PRDM2: variants seen among roughly 807,000 people sequenced by gnomAD.
PRDM2 encodes the protein PR/SET domain 2.
A neutral mutation model predicts 130.0 loss-of-function variants in PRDM2; 30 were observed. The observed-to-expected ratio is 0.23, with a 90% CI of 0.17 to 0.31. The LOEUF is 0.31. PRDM2 is among the 10% of genes least tolerant of loss of function. The probability of loss-of-function intolerance (pLI) is 1.00; values close to 1 mark genes in which losing one functional copy is unlikely to be tolerated. For missense variants in PRDM2, 2,011 were observed against 2,108.4 expected, an observed-to-expected ratio of 0.95 and a Z score of 0.90; for synonymous variants, 871 against 782.4, an observed-to-expected ratio of 1.11 and a Z score of -1.89.
At chr1:13,793,755 C>G (rs79712323) in intron 8 of PRDM2, among the ~76,000 whole-genome samples, 18,918 of 152,048 alleles carry the variant, frequency 0.12, 1,276 homozygotes, top group Admixed American at 0.22. Flanking sequence ...TTCCCTGGCC[C>G]ACGTTGGAAG....
At position 13,781,087 on chromosome 1, in the gene PRDM2, A is replaced by G. The variant is rs771123490; in HGVS notation, c.3292A>G (p.Ile1098Val). ...GDNLEASLPM[I>V]SFKQEELENE... The stretch of plus-strand genomic sequence containing the variant: ...TAATCTGGAGGCTTCTCTCCCCATG[A>G]TATCTTTCAAACAGGAGGAATTAGA... The change falls in exon 8 of 10, where the codon ATA (isoleucine) becomes GTA (valine). Residue 1098 changes from isoleucine (I) to valine (V), a missense_variant. By Grantham distance (29) the Ile-to-Val change is conservative. This residue lies in a region of PRDM2 where 1,288 missense variants were observed against 1,237.7 expected (regional missense o/e 1.04). Transcript: ENST00000311066. This position sits in a 1 kb window ranked among gnomAD's most constrained non-coding sequence, Gnocchi z 6.1. 41 of 1,613,608 alleles carry G rather than the reference A, an allele frequency of 2.5e-5. No homozygotes were observed. Among genetic ancestry groups the G allele is most frequent in the Non-Finnish European group, 3.5e-5 (41 of 1,179,642 alleles).
chr1:13,788,848 C>T (rs1644793210), intron 8 of PRDM2, among the ~76,000 whole-genome samples: 1 of 152,204 alleles, frequency 6.6e-6, no homozygotes, highest in African/African-American at 2.4e-5. Context: ...GTAAACGGGC[C>T]TCCAACAAGC....
rs538598424 is a variant in PRDM2 at position 13,818,509 on chromosome 1, G to C, written c.*23+1939G>C. Among the ~76,000 whole-genome samples, 17 of 149,532 alleles carry C rather than the reference G, an allele frequency of 1.1e-4. No homozygotes were observed. The East Asian group carries it at 3.3e-3, about 29-fold the overall frequency. ...TTCCCCTGCCTCAGCCTCCTGAGTA[G>C]CTGGGACTACAGGCACCCGCCACTA... On this transcript the variant is annotated intron_variant, in intron 9 of 9. Transcript: ENST00000311066.
intron 6 of PRDM2, among the ~76,000 whole-genome samples, chr1:13,758,170 G>A (rs1014324689): frequency 1.3e-4 from 20 of 152,002 alleles, no homozygotes; most frequent in African/African-American, 4.8e-4. Flanking sequence ...GTAGCCAGGC[G>A]CGGTGGCTCA....
At chr1:13,794,853 G>C (rs945669193) in intron 8 of PRDM2, among the ~76,000 whole-genome samples, 3 of 152,240 alleles carry the variant, frequency 2.0e-5, no homozygotes, top group Non-Finnish European at 2.9e-5. Flanking sequence ...CCTCTGCCCA[G>C]AGAGAAAGCT....
chr1:13,745,753 A>G (rs1352020440), intron 5 of PRDM2, among the ~76,000 whole-genome samples: 1 of 152,184 alleles, frequency 6.6e-6, no homozygotes, highest in East Asian at 1.9e-4. Flanking sequence ...AAAGGAATAG[A>G]ACAAAAGCCC....
chr1:13,725,849 C>A (rs980803026), intron 2 of PRDM2, among the ~76,000 whole-genome samples: 1 of 152,184 alleles, frequency 6.6e-6, no homozygotes, highest in African/African-American at 2.4e-5. Flanking sequence ...AGGTATGAGA[C>A]CCCACTGGGT....
intron 4 of PRDM2, among the ~76,000 whole-genome samples, chr1:13,740,555 A>C (rs900357838): frequency 2.6e-5 from 4 of 152,200 alleles, no homozygotes; most frequent in African/African-American, 9.7e-5. Flanking sequence ...AGTTCAGTTA[A>C]CTAGGATGGT....
intron 1 of PRDM2, among the ~76,000 whole-genome samples, chr1:13,712,045 T>G (rs1387387105): frequency 2.8e-5 from 4 of 141,074 alleles, no homozygotes; most frequent in Non-Finnish European, 4.6e-5. Flanking sequence ...TGAGACTCCA[T>G]CTCTACCCAA....
rs1455362165 is a variant in PRDM2 at position 13,780,472 on chromosome 1, C to G, written c.2677C>G (p.Leu893Val). 1 of 1,614,208 alleles carries G rather than the reference C, an allele frequency of 6.2e-7. No individual in the cohort carries two copies. Among genetic ancestry groups the G allele is most frequent in the South Asian group, 1.1e-5 (1 of 91,084 alleles). ...CACCTGCATGCTGCAGAAGGTTCTT[C>G]TCAATGAATATAATGGCATCGATTT... is the stretch of plus-strand genomic sequence containing the variant. ...PTTCMLQKVLLNEYNGIDLPV... is the reference protein window; with the variant it reads ...PTTCMLQKVLVNEYNGIDLPV... Residue 893 changes from leucine to valine, a missense_variant, in exon 8 of 10, where the codon CTC (leucine) becomes GTC (valine). Physicochemically the swap from Leu to Val is conservative, Grantham distance 32 (BLOSUM62 1). This residue lies in a region of PRDM2 where 1,288 missense variants were observed against 1,237.7 expected (regional missense o/e 1.04). Transcript: ENST00000311066.
In PRDM2 at chr1:13,782,717, C is replaced by G; in HGVS notation, c.4922C>G (p.Ser1641Cys). The G allele has an allele frequency of 6.2e-7, 1 of 1,613,938 alleles. No homozygotes were observed. The highest frequency in any genetic ancestry group is 1.1e-5 in the South Asian group (1 of 91,054). The stretch of plus-strand genomic sequence containing the variant: ...AGAACAGACCGGTTCAATATAAAAT[C>G]TAGAGAGCGGAGTGGGGGGCCAGTC... Reference protein sequence around the residue: ...KKRTDRFNIKSRERSGGPVTR... With the variant: ...KKRTDRFNIKCRERSGGPVTR... Residue 1641 changes from serine (S) to cysteine (C), a missense_variant, in exon 8 of 10, where the codon TCT (serine) becomes TGT (cysteine). Physicochemically the swap from Ser to Cys is moderately radical, Grantham distance 112. Transcript: ENST00000311066.
At chr1:13,756,574 A>G (rs1419285014) in intron 6 of PRDM2, among the ~76,000 whole-genome samples, 3 of 152,244 alleles carry the variant, frequency 2.0e-5, no homozygotes, top group African/African-American at 7.2e-5. Flanking sequence ...TGAAAATGCT[A>G]TTCTCTAAGT....
chr1:13,714,832 A>G (rs1020283465), intron 1 of PRDM2, among the ~76,000 whole-genome samples: 3 of 152,236 alleles, frequency 2.0e-5, no homozygotes, highest in Non-Finnish European at 4.4e-5. Flanking sequence ...GATTTAATTT[A>G]TTATGAATTA....
At chr1:13,812,588 C>T (rs1306485543) in intron 8 of PRDM2, among the ~76,000 whole-genome samples, 1 of 152,068 alleles carries the variant, frequency 6.6e-6, no homozygotes, top group African/African-American at 2.4e-5. Context: ...CCCACTTTGC[C>T]GTGTTAAAGT....
At chr1:13,784,018 C>T (rs901350915) in intron 8 of PRDM2, among the ~76,000 whole-genome samples, 2 of 152,188 alleles carry the variant, frequency 1.3e-5, no homozygotes, top group African/African-American at 4.8e-5. Flanking sequence ...CCTTAAATCA[C>T]AGCTAAAGAT....
chr1:13,787,526 G>A (rs894132932), intron 8 of PRDM2: 7 of 983,026 alleles, frequency 7.1e-6, no homozygotes, highest in Non-Finnish European at 7.2e-6. Flanking sequence ...TTTAATATTT[G>A]TTTGGTGAAT....
chr1:13,800,199 C>T (rs1644985585), intron 8 of PRDM2, among the ~76,000 whole-genome samples: 1 of 152,292 alleles, frequency 6.6e-6, no homozygotes, highest in Admixed American at 6.5e-5. Context: ...AATTTATGTT[C>T]TAGTTGGTGG....
intron 5 of PRDM2, among the ~76,000 whole-genome samples, chr1:13,747,433 C>T (rs954870456): frequency 2.6e-5 from 4 of 152,102 alleles, no homozygotes; most frequent in Admixed American, 2.0e-4. Flanking sequence ...TGCCAAAAGG[C>T]GTTCTTGATG....
chr1:13,804,102 C>T (rs1645051142), intron 8 of PRDM2, among the ~76,000 whole-genome samples: 1 of 152,160 alleles, frequency 6.6e-6, no homozygotes, highest in Non-Finnish European at 1.5e-5. Flanking sequence ...GTGTTGCTGT[C>T]CCCTCTGCCA....
Sources: gnomAD v4.1 joint callset for allele counts (sites outside exome capture counted in the v4.1 genomes callset) on GRCh38, gnomAD v4.1.1 for gene constraint, gnomAD v4.1.1 regional missense constraint, Gnocchi (gnomAD v3.1) non-coding constraint, MANE v1.5 for transcripts, NCBI Gene and HGNC (gene_info 2026-07-23, HGNC 2026-07-21) for gene names.